ERCC6: variants seen among roughly 807,000 people sequenced by gnomAD.
ERCC6 encodes the protein DNA excision repair protein ERCC-6.
ERCC6 carries 116 observed loss-of-function variants against 158.7 expected under a neutral mutation model. That is an observed-to-expected ratio of 0.73 (90% CI 0.63 to 0.85). The LOEUF (loss-of-function observed/expected upper bound fraction) is 0.85. ERCC6 is among the 40% of genes least tolerant of loss of function. The pLI, the probability that ERCC6 is intolerant of heterozygous loss-of-function variation, is 0.00. For missense variants in ERCC6, 1,698 were observed against 1,799.4 expected (o/e 0.94, Z 1.02); for synonymous variants, 678 against 659.3 (o/e 1.03, Z -0.43).
chr10:49,517,049 T>C (rs778353486), intron 5 of ERCC6: 2 of 1,612,986 alleles, frequency 1.2e-6, no homozygotes, highest in Non-Finnish European at 1.7e-6. Context: ...CTATAGCACT[T>C]GCTTCTATGC....
the ERCC6 span, among the ~76,000 whole-genome samples, chr10:49,445,546 G>A: frequency 1.3e-5 from 2 of 152,108 alleles, no homozygotes; most frequent in Non-Finnish European, 2.9e-5. Flanking sequence ...TTTTGTGCCA[G>A]GCACTATTCT....
the ERCC6 span, among the ~76,000 whole-genome samples, chr10:49,446,046 T>G: frequency 4.6e-5 from 7 of 152,274 alleles, no homozygotes; most frequent in African/African-American, 1.7e-4. Context: ...AACTATAAGT[T>G]CACATGAGTT....
intron 10 of ERCC6, among the ~76,000 whole-genome samples, chr10:49,480,167 T>A (rs1462134022): frequency 1.3e-5 from 2 of 152,176 alleles, no homozygotes; most frequent in Non-Finnish European, 2.9e-5. Flanking sequence ...GCTGCTGACA[T>A]GCTCCCCATC....
chr10:49,470,077 C>A, intron 18 of ERCC6, 105 bp downstream of exon 18: 1 of 1,001,656 alleles, frequency 1.0e-6, no homozygotes, highest in Middle Eastern at 2.1e-4. Context: ...ACACTAATGG[C>A]TGACAGCCCT....
chr10:49,467,666 A>G lies in ERCC6; in HGVS notation c.3778+2516T>C, dbSNP rs373742386. Among the ~76,000 whole-genome samples, 35 of 152,054 alleles carry G rather than the reference A, an allele frequency of 2.3e-4. No homozygotes were observed. In the East Asian group the frequency reaches 6.8e-3, roughly 29 times the overall value. On this transcript the variant is annotated intron_variant, in intron 18 of 20. Coordinates refer to ENST00000355832, the MANE Select transcript of ERCC6 (RefSeq NM_000124.4). ...CCACAGCCTCAACCTCCCAGGCTCG[A>G]GCAATCCTCCCAGCTCAGCCTCGCA...
chr10:49,533,263 G>A (rs1837515999), intron 1 of ERCC6, among the ~76,000 whole-genome samples: 1 of 152,174 alleles, frequency 6.6e-6, no homozygotes, highest in African/African-American at 2.4e-5. Flanking sequence ...CTGGGGTGAT[G>A]GCCATGGAAT....
Position 49,524,084 on chromosome 10 carries a change from A to C in ERCC6, c.1346T>G (p.Val449Gly). 6.2e-7 allele frequency: 1 copy of C among 1,613,766 alleles called. No homozygotes were observed. Among genetic ancestry groups the C allele is most frequent in the Non-Finnish European group, 8.5e-7 (1 of 1,179,992 alleles). The change falls in exon 5 of 21, where the codon GTG becomes GGG. Residue 449 changes from valine (V) to glycine (G), a missense_variant. Physicochemically the swap from Val to Gly is moderately radical, Grantham distance 109 (BLOSUM62 -3). Transcript: ENST00000355832. ...VGEGGGGGRK[V>G]GRYRDDGDED... is the part of the protein sequence containing the mutation. ...ATCTCCATCATCTCGGTATCTTCCC[A>C]CTTTCCGACCTCCTCCTCCTCCTTC... is the stretch of plus-strand genomic sequence containing the variant.
intron 5 of ERCC6, among the ~76,000 whole-genome samples, chr10:49,521,113 AC>A (rs1192513082): frequency 6.6e-6 from 1 of 152,166 alleles, no homozygotes; most frequent in Non-Finnish European, 1.5e-5. Context: ...TTTGCCAGAA[AC>A]CCTTGAAGCC....
intron 10 of ERCC6, among the ~76,000 whole-genome samples, chr10:49,480,139 G>A (rs1291866550): frequency 6.6e-5 from 10 of 152,108 alleles, no homozygotes; most frequent in Non-Finnish European, 1.5e-4. Context: ...ACCAACCCCA[G>A]CAGCAGTCTA....
Position 49,532,782 on chromosome 10 carries a change from G to A in ERCC6, c.183C>T (p.Cys61=), listed in dbSNP as rs115185216. 30 of 1,614,192 alleles carry A rather than the reference G, an allele frequency of 1.9e-5. 1 individual carries two copies. Among genetic ancestry groups the A allele is most frequent in the South Asian group, 6.6e-5 (6 of 91,082 alleles). Residue 61 remains cysteine, a synonymous_variant, in exon 2 of 21, where the codon TGC becomes TGT. Coordinates refer to ENST00000355832, the MANE Select transcript of ERCC6 (RefSeq NM_000124.4). The part of the protein sequence containing the change: ...GDGLSTSAVG[C]ASAAPRRGPA... ...GCCCTCTCCTCGGAGCTGCTGATGC[G>A]CACCCCACAGCAGAGGTGGACAGCC...
At position 49,470,447 on chromosome 10, in the gene ERCC6, A is replaced by G. The variant is rs2132537092; in HGVS notation, c.3513T>C (p.Asn1171=). Residue 1171 remains asparagine, a synonymous_variant, in exon 18 of 21, where the codon AAT becomes AAC. Coordinates refer to ENST00000355832, the MANE Select transcript of ERCC6 (RefSeq NM_000124.4). ...SQAQTEAFWE[N]KQMENNFYKH... is the part of the protein sequence containing the mutation. ...TATAAAAATTATTTTCCATTTGTTT[A>G]TTCTCCCAAAAAGCTTCTGTTTGAG... The G allele has an allele frequency of 1.9e-6, 3 of 1,614,010 alleles. No homozygotes were observed. In the South Asian group the frequency reaches 3.3e-5, roughly 18 times the overall value.
At chr10:49,475,463 G>A (rs1012788316) in intron 12 of ERCC6, 3 of 444,328 alleles carry the variant, frequency 6.8e-6, no homozygotes, top group Non-Finnish European at 1.4e-5. Context: ...GGAGATTCAT[G>A]GAGATGAATA....
intron 18 of ERCC6, among the ~76,000 whole-genome samples, chr10:49,464,405 A>G (rs916422853): frequency 6.6e-6 from 1 of 152,264 alleles, no homozygotes; most frequent in African/African-American, 2.4e-5. Flanking sequence ...CAGTGCATAA[A>G]AGTTTGGACA....
intron 5 of ERCC6, among the ~76,000 whole-genome samples, chr10:49,506,723 A>T (rs1330105100): frequency 1.3e-5 from 2 of 152,064 alleles, no homozygotes; most frequent in African/African-American, 2.4e-5. Context: ...TTAGCAATAC[A>T]CCAAGGTTGT....
chr10:49,515,137 A>G (rs1432784239), intron 5 of ERCC6: 7 of 1,265,482 alleles, frequency 5.5e-6, no homozygotes, highest in African/African-American at 1.5e-5. Flanking sequence ...TGAGGTTACA[A>G]TTTTTTGAAT....
At chr10:49,467,722 C>T (rs1014941687) in intron 18 of ERCC6, among the ~76,000 whole-genome samples, 3 of 151,934 alleles carry the variant, frequency 2.0e-5, no homozygotes, top group Admixed American at 6.6e-5. Flanking sequence ...TATGCTACCA[C>T]ACCCGGCTAT....
the ERCC6 span, among the ~76,000 whole-genome samples, chr10:49,448,716 G>C: frequency 1.3e-5 from 2 of 152,080 alleles, no homozygotes; most frequent in African/African-American, 2.4e-5. Context: ...CTTTTATATG[G>C]ATGGGATCAT....
chr10:49,467,570 T>A (rs1345821369), intron 18 of ERCC6, among the ~76,000 whole-genome samples: 2 of 152,146 alleles, frequency 1.3e-5, no homozygotes, highest in African/African-American at 4.8e-5. Flanking sequence ...GGGTTATACA[T>A]TTTATTATTT....
At chr10:49,486,680 T>C (rs1851083769) in intron 8 of ERCC6, among the ~76,000 whole-genome samples, 1 of 152,100 alleles carries the variant, frequency 6.6e-6, no homozygotes. Context: ...GTTGCAAAAA[T>C]GGACCCAAGA....
Sources: gnomAD v4.1 joint callset for allele counts (sites outside exome capture counted in the v4.1 genomes callset) on GRCh38, gnomAD v4.1.1 for gene constraint, MANE v1.5 for transcripts, NCBI Gene and HGNC (gene_info 2026-07-23, HGNC 2026-07-21) for gene names.